The following SGIP1 variants were observed in gnomAD, a reference collection of about 807,000 sequenced individuals.
SGIP1 encodes SH3GL interacting endocytic adaptor 1.
A neutral mutation model predicts 107.5 loss-of-function variants in SGIP1; 38 were observed. The ratio of observed to expected loss-of-function variants is 0.35; its 90% CI spans 0.27 to 0.46. The LOEUF (loss-of-function observed/expected upper bound fraction) is 0.46. Among genes scored for constraint, SGIP1 ranks in the 20% least tolerant of loss-of-function variants. The probability of loss-of-function intolerance (pLI) is 1.00; values close to 1 mark genes in which losing one functional copy is unlikely to be tolerated. For synonymous variants in SGIP1, 365 were observed against 366.1 expected, an observed-to-expected ratio of 1.00 and a Z score of 0.03; for missense variants, 929 against 1,019.5, an observed-to-expected ratio of 0.91 and a Z score of 1.21.
chr1:66,739,294 C>T (rs760044083), intron 21 of SGIP1, 41 bp from the exon 22 acceptor site: 6 of 1,582,070 alleles, frequency 3.8e-6, no homozygotes, highest in African/African-American at 1.5e-5. Flanking sequence ...TAAGAACATC[C>T]CTGTCATATG....
intron 7 of SGIP1, among the ~76,000 whole-genome samples, chr1:66,648,864 C>G (rs1450532877): frequency 2.6e-5 from 4 of 152,148 alleles, no homozygotes; most frequent in African/African-American, 9.6e-5. Flanking sequence ...ACCTGTGTAA[C>G]CTTAGACAAG....
At chr1:66,678,466 G>T (rs536562947) in intron 13 of SGIP1, among the ~76,000 whole-genome samples, 13 of 152,306 alleles carry the variant, frequency 8.5e-5, no homozygotes, top group African/African-American at 3.1e-4. Context: ...GGCTTTTACA[G>T]TATTTTATTT....
intron 7 of SGIP1, among the ~76,000 whole-genome samples, chr1:66,650,207 A>C (rs1353336392): frequency 6.6e-6 from 1 of 152,184 alleles, no homozygotes; most frequent in Non-Finnish European, 1.5e-5. Context: ...ATGCCTTTTG[A>C]AGACAATTCC....
chr1:66,533,856 C>T (rs540424888), upstream of SGIP1, among the ~76,000 whole-genome samples: 13 of 152,202 alleles, frequency 8.5e-5, no homozygotes, highest in East Asian at 2.5e-3. Context: ...GGTGGCAGCC[C>T]TTGATAACTA....
chr1:66,627,856 G>A (rs185211026), intron 2 of SGIP1, among the ~76,000 whole-genome samples: 12 of 151,822 alleles, frequency 7.9e-5, no homozygotes, highest in South Asian at 4.2e-4. Context: ...CCATTAACTC[G>A]TCATTAACAT....
At chr1:66,620,713 G>A (rs2070833453) in intron 1 of SGIP1, among the ~76,000 whole-genome samples, 1 of 152,154 alleles carries the variant, frequency 6.6e-6, no homozygotes, top group South Asian at 2.1e-4. Context: ...GATTTGAGTG[G>A]GGACATAAAG....
chr1:66,569,030 T>G (rs2060035391), intron 1 of SGIP1, among the ~76,000 whole-genome samples: 1 of 151,930 alleles, frequency 6.6e-6, no homozygotes, highest in Non-Finnish European at 1.5e-5. Flanking sequence ...CAGGTATTAT[T>G]CAAACTGGTT....
In SGIP1 at chr1:66,679,735, C is replaced by T. The variant is rs557455868; in HGVS notation, c.797C>T (p.Pro266Leu). ...VPATPPRTGS[P>L]LTIGPGNDQS... is the part of the protein sequence containing the mutation. ...GCTACCCCACCCCGAACAGGATCCCCCTTAACAATTGGACCAGGTACGCTT... is the reference window on the plus strand; with the variant it reads ...GCTACCCCACCCCGAACAGGATCCCTCTTAACAATTGGACCAGGTACGCTT... Residue 266 changes from proline (P) to leucine (L), a missense_variant, in exon 14 of 25, where the codon CCC (proline) becomes CTC (leucine). Pro to Leu is a moderately conservative substitution (Grantham distance 98, BLOSUM62 -3). This residue lies in a region of SGIP1 where 588 missense variants were observed against 588.6 expected (regional missense o/e 1.00). Transcript: ENST00000371037. 1.6e-5 allele frequency: 25 copies of T among 1,601,828 alleles called. 1 individual carries two copies. The African/African-American group carries it at 2.4e-4, about 16-fold the overall frequency.
At chr1:66,652,023 TGA>T (rs2078858067) in intron 7 of SGIP1, among the ~76,000 whole-genome samples, 3 of 152,154 alleles carry the variant, frequency 2.0e-5, no homozygotes, top group African/African-American at 7.2e-5. Context: ...TGGGAGGTAG[TGA>T]TGCCCCTATT....
At chr1:66,727,440 G>A (rs931467717) in intron 19 of SGIP1, among the ~76,000 whole-genome samples, 22 of 152,168 alleles carry the variant, frequency 1.4e-4, no homozygotes, top group African/African-American at 5.3e-4. Context: ...AAACCCTCAT[G>A]CACAGCTGTA....
At chr1:66,536,610 G>T (rs558932935) in intron 1 of SGIP1, among the ~76,000 whole-genome samples, 2 of 152,156 alleles carry the variant, frequency 1.3e-5, no homozygotes, top group South Asian at 4.1e-4. Context: ...GAGATTGCCA[G>T]CCTCTGTACA....
At chr1:66,623,338 C>T (rs1308998848) in intron 1 of SGIP1, among the ~76,000 whole-genome samples, 1 of 152,064 alleles carries the variant, frequency 6.6e-6, no homozygotes, top group African/African-American at 2.4e-5. Context: ...CAACCTCTGC[C>T]TCCCAGATTC....
rs2094613609 is a variant in SGIP1 at position 66,750,929 on chromosome 1, T to C, written c.*7834T>C. Among the ~76,000 whole-genome samples the C allele has an allele frequency of 6.6e-6, 1 of 152,232 alleles. No individual in the cohort carries two copies. Among genetic ancestry groups the C allele is most frequent in the Admixed American group, 6.5e-5 (1 of 15,288 alleles). ...TATGGATATCACTCTTTGTAAATAATAATTTTTGTAAATGTTTTTTGTTCA... is the reference window on the plus strand; with the variant it reads ...TATGGATATCACTCTTTGTAAATAACAATTTTTGTAAATGTTTTTTGTTCA... On this transcript the variant is annotated 3_prime_UTR_variant, in exon 25 of 25. Transcript: ENST00000371037.
chr1:66,660,723 C>T (rs959226776), intron 8 of SGIP1, among the ~76,000 whole-genome samples, 199 bp downstream of exon 8: 2 of 152,172 alleles, frequency 1.3e-5, no homozygotes, highest in Non-Finnish European at 2.9e-5. Flanking sequence ...GCTTTTACAA[C>T]CCCGTTATTA....
chr1:66,644,506 C>G (rs1489142701), intron 7 of SGIP1, among the ~76,000 whole-genome samples: 1 of 152,142 alleles, frequency 6.6e-6, no homozygotes, highest in African/African-American at 2.4e-5. Context: ...TTGTGAGGAA[C>G]AGATGAAGGC....
intron 1 of SGIP1, among the ~76,000 whole-genome samples, chr1:66,551,152 G>A (rs1211426081): frequency 6.6e-6 from 1 of 152,088 alleles, no homozygotes; most frequent in African/African-American, 2.4e-5. Context: ...TATTATTAAG[G>A]ATGCCTTTGT....
At chr1:66,551,551 G>T (rs2057410526) in intron 1 of SGIP1, among the ~76,000 whole-genome samples, 1 of 152,012 alleles carries the variant, frequency 6.6e-6, no homozygotes. Flanking sequence ...CACTTCTTTT[G>T]ATTTTAATAT....
chr1:66,631,059 GA>G (rs1558136711), intron 2 of SGIP1, among the ~76,000 whole-genome samples: 2 of 110,788 alleles, frequency 1.8e-5, no homozygotes, highest in Non-Finnish European at 2.0e-5. Context: ...AAGAAAGAAA[GA>G]AAGAAAGAAA....
chr1:66,682,964 T>G (rs1338906685), intron 15 of SGIP1, among the ~76,000 whole-genome samples: 1 of 152,178 alleles, frequency 6.6e-6, no homozygotes, highest in African/African-American at 2.4e-5. Flanking sequence ...ATATTGCATC[T>G]GTAATCCAAT....
Sources: allele counts gnomAD v4.1 joint callset (sites outside exome capture counted in the v4.1 genomes callset), GRCh38; gene constraint gnomAD v4.1.1; regional missense constraint gnomAD v4.1.1; transcripts MANE v1.5; gene names NCBI Gene and HGNC (gene_info 2026-07-23, HGNC 2026-07-21).